The following NAGPA variants were observed in gnomAD, a reference collection of about 807,000 sequenced individuals.
The protein encoded by NAGPA is N-acetylglucosamine-1-phosphodiester alpha-N-acetylglucosaminidase.
Under a neutral mutation model 48.5 loss-of-function variants are expected in NAGPA, and 56 were observed. The ratio of observed to expected loss-of-function variants is 1.15; its 90% CI spans 0.93 to 1.44. The LOEUF (loss-of-function observed/expected upper bound fraction) is 1.44, where lower values mean the gene tolerates loss of function less well. Among genes scored for constraint, NAGPA ranks in the 40% most tolerant of loss-of-function variants. The pLI, the probability that NAGPA is intolerant of heterozygous loss-of-function variation, is 0.00. For synonymous variants in NAGPA, 399 were observed against 315.5 expected, an observed-to-expected ratio of 1.26 and a Z score of -2.81; for missense variants, 888 against 735.0, an observed-to-expected ratio of 1.21 and a Z score of -2.41.
rs554785254 is a variant in NAGPA at position 5,030,664 on chromosome 16, C to A, written c.683-171G>T. ...CACATCCCAGTCTCCCCAGGGCAGC[C>A]GGGGGGTCTCTTCTTACAGGTAAAC... is the stretch of plus-strand genomic sequence containing the variant. On this transcript the variant is annotated intron_variant, in intron 3 of 9. Transcript: ENST00000312251. 7.4e-6 allele frequency: 5 copies of A among 678,750 alleles called. No individual in the cohort carries two copies. The African/African-American group carries it at 8.8e-5, about 12-fold the overall frequency. 42.0% of individuals were successfully genotyped at this position (678,750 alleles called of 1,614,324 possible).
Position 5,031,757 on chromosome 16 carries a change from TCTCGTCACA to T in NAGPA, c.661_669del (p.Cys221_Glu223del). 1 of 1,614,146 alleles carries T rather than the reference TCTCGTCACA, an allele frequency of 6.2e-7. No homozygotes were observed. The highest frequency in any genetic ancestry group is 8.5e-7 in the Non-Finnish European group (1 of 1,180,018). On this transcript the variant is annotated inframe_deletion, in exon 3 of 10. Transcript: ENST00000312251. Reference sequence around the variant, plus strand: ...CTCCCCATCCAACCTGTCTCCTGTGTCTCGTCACACTCTGTGGCTTGGCTCTCGTTGATG... The same window carrying T: ...CTCCCCATCCAACCTGTCTCCTGTGTCTCTGTGGCTTGGCTCTCGTTGATG...
intron 3 of NAGPA, among the ~76,000 whole-genome samples, chr16:5,030,852 C>G (rs1273664373): frequency 6.6e-6 from 1 of 152,146 alleles, no homozygotes; most frequent in Non-Finnish European, 1.5e-5. Flanking sequence ...CCTGTTCCCT[C>G]TGGCTGGGAA....
Position 5,025,574 on chromosome 16 carries a change from C to A in NAGPA, c.1452G>T (p.Gly484=), listed in dbSNP as rs1030557638. The part of the protein sequence containing the change: ...SRAERNRRLH[G]DYAYHPLQEM... ...CCTGCAGCGGGTGGTATGCATAGTC[C>A]CCATGCAGGCGCCGGTTCCTCTCTG... Residue 484 remains glycine, a synonymous_variant, in exon 10 of 10, where the codon GGG becomes GGT. Coordinates refer to ENST00000312251, the MANE Select transcript of NAGPA (RefSeq NM_016256.4). The A allele has an allele frequency of 1.9e-6, 3 of 1,613,816 alleles. No homozygotes were observed. The highest frequency in any genetic ancestry group is 2.5e-6 in the Non-Finnish European group (3 of 1,180,032).
Position 5,030,358 on chromosome 16 carries a change from CG to C in NAGPA, c.791+26del, listed in dbSNP as rs369085257. ...CCTCCTAGCAGGACTGAGCCCCGGC[CG>C]GGGGGCCTCAGCTCCCAGGACTCAC... is the stretch of plus-strand genomic sequence containing the variant. On this transcript the variant is annotated intron_variant, in intron 4 of 9. Coordinates refer to ENST00000312251, the MANE Select transcript of NAGPA (RefSeq NM_016256.4). The C allele has an allele frequency of 2.9e-5, 45 of 1,545,656 alleles. No homozygotes were observed. In the African/African-American group the frequency reaches 5.2e-4, roughly 18 times the overall value.
rs146097654 is a variant in NAGPA at position 5,028,891 on chromosome 16, C to T, written c.909G>A (p.Pro303=). The T allele has an allele frequency of 1.2e-5, 20 of 1,613,982 alleles. 1 individual carries two copies. The highest frequency in any genetic ancestry group is 1.2e-4 in the South Asian group (11 of 91,088). Residue 303 remains proline (P), a synonymous_variant, in exon 5 of 10, where the codon CCG becomes CCA. Transcript: ENST00000312251. ...FVLNGTLASY[P]SDHCQDNMWR... The stretch of plus-strand genomic sequence containing the variant: ...TCTCACGTGCTTACCAGTGATCTGA[C>T]GGGTAACTGGCCAAGGTCCCGTTGA...
At chr16:5,030,678 T>A in intron 3 of NAGPA, 185 bp from the exon 4 acceptor site, 2 of 658,892 alleles carry the variant, frequency 3.0e-6, no homozygotes, top group Admixed American at 4.3e-5. Flanking sequence ...GGGTCTCTTC[T>A]TACAGGTAAA....
Position 5,033,412 on chromosome 16 carries a change from C to T in NAGPA, c.403G>A (p.Ala135Thr). 1.3e-6 allele frequency: 2 copies of T among 1,596,530 alleles called. No individual in the cohort carries two copies. Among genetic ancestry groups the T allele is most frequent in the Non-Finnish European group, 1.7e-6 (2 of 1,179,170 alleles). ...ETARAADCRV[A>T]QNGGFFRMNS... ...ATGCGGAAGAAGCCGCCGTTCTGGG[C>T]GACACGGCAGTCGGCCGCCCGCGCC... The change falls in exon 2 of 10, where the codon GCC (alanine) becomes ACC (threonine). Residue 135 changes from alanine (A) to threonine (T), a missense_variant. By Grantham distance (58) the Ala-to-Thr change is moderately conservative. Coordinates refer to ENST00000312251, the MANE Select transcript of NAGPA (RefSeq NM_016256.4). This position sits in a 1 kb window ranked among gnomAD's most constrained non-coding sequence, Gnocchi z 4.2.
At position 5,033,418 on chromosome 16, in the gene NAGPA, G is replaced by C. The variant is rs769705244; in HGVS notation, c.397C>G (p.Arg133Gly). The C allele has an allele frequency of 8.1e-6, 13 of 1,595,780 alleles. No individual in the cohort carries two copies. In the African/African-American group the frequency reaches 1.5e-4, roughly 18 times the overall value. Residue 133 changes from arginine to glycine, a missense_variant, in exon 2 of 10, where the codon CGT (arginine) becomes GGT (glycine). By Grantham distance (125) the Arg-to-Gly change is moderately radical. Coordinates refer to ENST00000312251, the MANE Select transcript of NAGPA (RefSeq NM_016256.4). The surrounding 1 kb of genome is among the most constrained non-coding windows in gnomAD (Gnocchi z 4.2). ...AAGAAGCCGCCGTTCTGGGCGACAC[G>C]GCAGTCGGCCGCCCGCGCCGTCTCC... is the stretch of plus-strand genomic sequence containing the variant. ...VEETARAADC[R>G]VAQNGGFFRM...
chr16:5,028,363 C>A, intron 5 of NAGPA, 178 bp from the exon 6 acceptor site: 1 of 1,230,044 alleles, frequency 8.1e-7, no homozygotes, highest in Non-Finnish European at 1.2e-6. Flanking sequence ...GCCTCCTGAG[C>A]AGCTGTAACC....
chr16:5,027,517 C>T, intron 7 of NAGPA, 138 bp from the exon 8 acceptor site: 1 of 891,530 alleles, frequency 1.1e-6, no homozygotes, highest in Non-Finnish European at 1.8e-6. Context: ...CACCCCCTGC[C>T]CTCCCTGGAC....
Position 5,033,332 on chromosome 16 carries a change from G to A in NAGPA, c.483C>T (p.Ser161=), listed in dbSNP as rs753667549. 168 of 1,597,440 alleles carry A rather than the reference G, an allele frequency of 1.1e-4. No homozygotes were observed. The highest frequency in any genetic ancestry group is 3.0e-5 in the Non-Finnish European group (35 of 1,179,476). ...ACTGCGCGTTCTGCAGCCCCCCGGAGCTGCTCACCCGCCGCTCGTCGCTCA... is the reference window on the plus strand; with the variant it reads ...ACTGCGCGTTCTGCAGCCCCCCGGAACTGCTCACCCGCCGCTCGTCGCTCA... ...NVVSDERRVS[S]SGGLQNAQFG... The change falls in exon 2 of 10, where the codon AGC becomes AGT. Residue 161 remains serine (S), a synonymous_variant. Coordinates refer to ENST00000312251, the MANE Select transcript of NAGPA (RefSeq NM_016256.4). The surrounding 1 kb of genome is among the most constrained non-coding windows in gnomAD (Gnocchi z 4.2).
chr16:5,033,712 C>T lies in NAGPA; in HGVS notation c.103G>A (p.Asp35Asn), dbSNP rs1390519793. 2 of 1,603,436 alleles carry T rather than the reference C, an allele frequency of 1.2e-6. No individual in the cohort carries two copies. Among genetic ancestry groups the T allele is most frequent in the Admixed American group, 1.7e-5 (1 of 59,598 alleles). The change falls in exon 2 of 10, where the codon GAC becomes AAC. Residue 35 changes from aspartate to asparagine, a missense_variant. By Grantham distance (23) the Asp-to-Asn change is conservative (BLOSUM62 1). Coordinates refer to ENST00000312251, the MANE Select transcript of NAGPA (RefSeq NM_016256.4). The surrounding 1 kb of genome is among the most constrained non-coding windows in gnomAD (Gnocchi z 4.2). ...GCGCGTGGATAGGGCAGTAGCAAGT[C>T]GTCGTCGCGGGAGGCCCTGCGGGGA... ...GLDSGASRDD[D>N]LLLPYPRARA...
chr16:5,032,939 G>T (rs1442513172), intron 2 of NAGPA: 2 of 419,372 alleles, frequency 4.8e-6, no homozygotes, highest in East Asian at 5.0e-5. Flanking sequence ...GGTTCACCCC[G>T]TTGGTTGCTT....
intron 3 of NAGPA, chr16:5,031,275 C>G (rs572720536): frequency 4.1e-6 from 1 of 243,704 alleles, no homozygotes; most frequent in East Asian, 1.0e-4. Flanking sequence ...CTGTCCCCAT[C>G]CCAGTATTCT....
At chr16:5,027,756 C>T in intron 7 of NAGPA, 90 bp downstream of exon 7, 1 of 1,524,454 alleles carries the variant, frequency 6.6e-7, no homozygotes, top group Non-Finnish European at 8.9e-7. Context: ...ATTTCCCAGA[C>T]CAGAAGGTGG....
In NAGPA at chr16:5,033,073, C is replaced by T. The variant is rs529051583; in HGVS notation, c.542+200G>A. ...TGTTCACGGCTATCTCACCGGGGCG[C>T]GGCACATTGCCTGATACAAGCAAGT... On this transcript the variant is annotated intron_variant, in intron 2 of 9. Transcript: ENST00000312251. This position sits in a 1 kb window ranked among gnomAD's most constrained non-coding sequence, Gnocchi z 4.2. 3 of 656,602 alleles carry T rather than the reference C, an allele frequency of 4.6e-6. No individual in the cohort carries two copies. Among genetic ancestry groups the T allele is most frequent in the East Asian group, 2.8e-5 (1 of 36,182 alleles). 40.7% of individuals were successfully genotyped at this position (656,602 alleles called of 1,614,324 possible). A position where few individuals can be genotyped will look rare whatever the true frequency, so the allele number is the denominator to read the frequency against.
At chr16:5,027,488 A>G (rs1005879935) in intron 7 of NAGPA, 109 bp from the exon 8 acceptor site, 18 of 1,210,344 alleles carry the variant, frequency 1.5e-5, no homozygotes, top group Non-Finnish European at 1.9e-5. Context: ...ATGTGTACAG[A>G]GCCGGGCTAA....
In NAGPA at chr16:5,025,491, G is replaced by C. The variant is rs771235861; in HGVS notation, c.1535C>G (p.Pro512Arg). 2 of 1,612,198 alleles carry C rather than the reference G, an allele frequency of 1.2e-6. No homozygotes were observed. Among genetic ancestry groups the C allele is most frequent in the African/African-American group, 1.3e-5 (1 of 74,994 alleles). ...CAGCTTGAGGCTTCAGTCCTTGAAG[G>C]GGTTGTGGGCGCCCCCTGGCTGCTC... ...EKEQPGGAHN[P>R]FKD Residue 512 changes from proline to arginine, a missense_variant, in exon 10 of 10, where the codon CCC becomes CGC. Physicochemically the swap from Pro to Arg is moderately radical, Grantham distance 103. Coordinates refer to ENST00000312251, the MANE Select transcript of NAGPA (RefSeq NM_016256.4).
intron 3 of NAGPA, 100 bp downstream of exon 3, chr16:5,031,645 G>A: frequency 6.6e-7 from 1 of 1,517,936 alleles, no homozygotes; most frequent in Non-Finnish European, 9.1e-7. Flanking sequence ...TGGGCACAAA[G>A]TAGCTGCTCA....
Sources: gnomAD v4.1 joint callset for allele counts (sites outside exome capture counted in the v4.1 genomes callset) on GRCh38, gnomAD v4.1.1 for gene constraint, Gnocchi (gnomAD v3.1) non-coding constraint, MANE v1.5 for transcripts, NCBI Gene and HGNC (gene_info 2026-07-23, HGNC 2026-07-21) for gene names.